The following PLG variants were observed in gnomAD, a reference collection of about 807,000 sequenced individuals.
PLG encodes plasminogen, also known as plasmin.
A neutral mutation model predicts 104.4 loss-of-function variants in PLG; 41 were observed. The observed-to-expected ratio is 0.39, with a 90% CI of 0.31 to 0.51. The LOEUF is 0.51. PLG is among the 20% of genes least tolerant of loss of function. The pLI is 0.76. For missense variants in PLG, 891 were observed against 1,003.6 expected, an observed-to-expected ratio of 0.89 and a Z score of 1.52; for synonymous variants, 337 against 357.1, an observed-to-expected ratio of 0.94 and a Z score of 0.63.
chr6:160,715,786 T>C (rs1195726239), intron 6 of PLG, among the ~76,000 whole-genome samples: 4 of 152,110 alleles, frequency 2.6e-5, no homozygotes, highest in Non-Finnish European at 5.9e-5. Flanking sequence ...AAAGGAGAAA[T>C]ACAGGAAAGA....
intron 4 of PLG, chr6:160,711,586 G>T (rs181216167): frequency 6.2e-7 from 1 of 1,609,950 alleles, no homozygotes; most frequent in East Asian, 2.2e-5. Context: ...TAAGCAGATA[G>T]AAAGAATCTT....
At chr6:160,718,125 A>T (rs954260587) in intron 7 of PLG, among the ~76,000 whole-genome samples, 169 bp from the exon 8 acceptor site, 1 of 152,116 alleles carries the variant, frequency 6.6e-6, no homozygotes, top group African/African-American at 2.4e-5. Flanking sequence ...GGTGACACGC[A>T]CCTGTAGTCT....
chr6:160,708,853 C>G (rs762803860), intron 3 of PLG, among the ~76,000 whole-genome samples: 10 of 151,902 alleles, frequency 6.6e-5, no homozygotes, highest in African/African-American at 2.4e-4. Flanking sequence ...CTATTTATCT[C>G]GAATTCTTGA....
intron 2 of PLG, among the ~76,000 whole-genome samples, chr6:160,707,137 G>C (rs1161606501): frequency 6.6e-6 from 1 of 152,112 alleles, no homozygotes; most frequent in Non-Finnish European, 1.5e-5. Context: ...AGGGGAAGAT[G>C]CGGCCCTGCA....
intron 17 of PLG, among the ~76,000 whole-genome samples, chr6:160,748,728 G>T (rs1778342315): frequency 6.6e-6 from 1 of 152,304 alleles, no homozygotes; most frequent in Non-Finnish European, 1.5e-5. Context: ...TGAAAATTCT[G>T]CAGGCTCACA....
chr6:160,738,441 G>A lies in PLG; in HGVS notation c.1803-97G>A. On this transcript the variant is annotated intron_variant, in intron 14 of 18. Transcript: ENST00000308192. This position sits in a 1 kb window ranked among gnomAD's most constrained non-coding sequence, Gnocchi z 6.8. The stretch of plus-strand genomic sequence containing the variant: ...TCCTTTCCTTTGGGAATATGAACAT[G>A]GTCAAAATTAAGTGAACGTGTCTTT... The A allele has an allele frequency of 9.6e-6, 8 of 835,170 alleles. No individual in the cohort carries two copies. Among genetic ancestry groups the A allele is most frequent in the Non-Finnish European group, 1.5e-5 (7 of 473,272 alleles). The allele number at this position is 835,170 out of a possible 1,614,324, so 51.7% of individuals were successfully genotyped here. A position where few individuals can be genotyped will look rare whatever the true frequency, so the allele number is the denominator to read the frequency against.
chr6:160,733,891 C>G (rs1414337932), intron 12 of PLG, 104 bp from the exon 13 acceptor site: 2 of 666,124 alleles, frequency 3.0e-6, no homozygotes, highest in African/African-American at 3.7e-5. Flanking sequence ...AAGAAACACT[C>G]CTTTATGTCT....
At chr6:160,713,365 G>A in intron 5 of PLG, 1 of 445,362 alleles carries the variant, frequency 2.2e-6, no homozygotes, top group Non-Finnish European at 4.2e-6. Context: ...CCGCCTCCGG[G>A]TTCAAGAGAT....
rs975087875 is a variant in PLG, at chr6:160,740,309, G to C, written c.2019-1002G>C. Among the ~76,000 whole-genome samples the C allele has an allele frequency of 9.2e-5, 14 of 152,150 alleles. No individual in the cohort carries two copies. Among genetic ancestry groups the C allele is most frequent in the Non-Finnish European group, 1.8e-4 (12 of 68,008 alleles). On this transcript the variant is annotated intron_variant, in intron 16 of 18. Transcript: ENST00000308192. This position sits in a 1 kb window ranked among gnomAD's most constrained non-coding sequence, Gnocchi z 5.2. ...CCTCCTGCTCCCCAGTGTCCTCCCC[G>C]CCATCCCAGCAAATGTGCAAATAGA...
At position 160,723,372 on chromosome 6, in the gene PLG, G is replaced by A. The variant is rs554596428; in HGVS notation, c.1256+805G>A. Among the ~76,000 whole-genome samples, 1 of 152,156 alleles carries A rather than the reference G, an allele frequency of 6.6e-6. No individual in the cohort carries two copies. The highest frequency in any genetic ancestry group is 1.5e-5 in the Non-Finnish European group (1 of 67,990). On this transcript the variant is annotated intron_variant, in intron 10 of 18. Coordinates refer to ENST00000308192, the MANE Select transcript of PLG (RefSeq NM_000301.5). This position sits in a 1 kb window ranked among gnomAD's most constrained non-coding sequence, Gnocchi z 4.7. ...TCCATAAATGAGTACACAATATATG[G>A]AAAAAACTATTTTTACATATTGGAG...
chr6:160,730,305 T>C (rs192808155), intron 10 of PLG, among the ~76,000 whole-genome samples: 30 of 152,248 alleles, frequency 2.0e-4, no homozygotes, highest in East Asian at 1.9e-3. Flanking sequence ...CCCTCAGACC[T>C]GGAGTGGCAG....
intron 2 of PLG, 194 bp downstream of exon 2, chr6:160,706,736 T>C (rs956211182): frequency 8.0e-6 from 5 of 621,336 alleles, no homozygotes; most frequent in African/African-American, 7.4e-5. Context: ...GTTAGAAAAA[T>C]ACCCTCAAAG....
Position 160,707,734 on chromosome 6 carries a change from G to T in PLG, c.220G>T (p.Val74Leu). ...FQYHSKEQQC[V>L]IMAENRKSSI... ...ATATCACAGTAAAGAGCAACAATGTGTGATAATGGCTGAAAACAGGAAGTC... is the reference window on the plus strand; with the variant it reads ...ATATCACAGTAAAGAGCAACAATGTTTGATAATGGCTGAAAACAGGAAGTC... The change falls in exon 3 of 19, where the codon GTG becomes TTG. Residue 74 changes from valine to leucine, a missense_variant. Transcript: ENST00000308192. 1 of 1,611,482 alleles carries T rather than the reference G, an allele frequency of 6.2e-7. No individual in the cohort carries two copies. Among genetic ancestry groups the T allele is most frequent in the Non-Finnish European group, 8.5e-7 (1 of 1,179,400 alleles).
intron 3 of PLG, among the ~76,000 whole-genome samples, chr6:160,710,441 A>G (rs1777619961): frequency 6.6e-6 from 1 of 152,048 alleles, no homozygotes; most frequent in South Asian, 2.1e-4. Context: ...CTGCATGTGG[A>G]CCCAGGTGGG....
chr6:160,748,401 GAA>G lies in PLG; in HGVS notation c.2126-3713_2126-3712del, dbSNP rs1275876222. Reference sequence around the variant, plus strand: ...GAAAGAAAGAAAGAAAGAAAGAAAGGAAGAAAGAAAGAAAGGGAAAGAAAGAG... The same window carrying G: ...GAAAGAAAGAAAGAAAGAAAGAAAGGGAAAGAAAGAAAGGGAAAGAAAGAG... On this transcript the variant is annotated intron_variant, in intron 17 of 18. Transcript: ENST00000308192. Among the ~76,000 whole-genome samples, 312 of 71,086 alleles carry G rather than the reference GAA, an allele frequency of 4.4e-3. 33 individuals are homozygous for G. Among genetic ancestry groups the G allele is most frequent in the African/African-American group, 0.012 (219 of 18,316 alleles). The allele number at this position is 71,086 out of a possible 152,430, so 46.6% of individuals were successfully genotyped here. A position where few individuals can be genotyped will look rare whatever the true frequency, so the allele number is the denominator to read the frequency against.
intron 1 of PLG, among the ~76,000 whole-genome samples, chr6:160,704,840 T>G (rs879892936): frequency 9.9e-5 from 15 of 152,186 alleles, no homozygotes; most frequent in Non-Finnish European, 1.9e-4. Flanking sequence ...CCCCTTGTGC[T>G]CTGTGTACCC....
Position 160,706,480 on chromosome 6 carries a change from G to A in PLG, c.123G>A (p.Leu41=). 6.2e-7 allele frequency: 1 copy of A among 1,613,892 alleles called. No homozygotes were observed. Among genetic ancestry groups the A allele is most frequent in the Non-Finnish European group, 8.5e-7 (1 of 1,179,798 alleles). The change falls in exon 2 of 19, where the codon CTG becomes CTA. Residue 41 remains leucine, a synonymous_variant. Coordinates refer to ENST00000308192, the MANE Select transcript of PLG (RefSeq NM_000301.5). ...ASLFSVTKKQ[L]GAGSIEECAA... is the part of the protein sequence containing the mutation. The stretch of plus-strand genomic sequence containing the variant: ...TGTTCAGTGTCACTAAGAAGCAGCT[G>A]GGAGCAGGAAGTATAGAAGAATGTG...
intron 3 of PLG, among the ~76,000 whole-genome samples, chr6:160,708,970 T>TA (rs1158448306): frequency 0.027 from 4,065 of 147,888 alleles, 85 homozygotes; most frequent in African/African-American, 0.054. Flanking sequence ...TACCAGATTT[T>TA]AAAAAAAAAA....
At chr6:160,728,770 A>G (rs1193058286) in intron 10 of PLG, among the ~76,000 whole-genome samples, 1 of 152,176 alleles carries the variant, frequency 6.6e-6, no homozygotes, top group African/African-American at 2.4e-5. Context: ...CTAGATCTAA[A>G]TGTAAGAGCT....
Sources: allele counts gnomAD v4.1 joint callset (sites outside exome capture counted in the v4.1 genomes callset), GRCh38; gene constraint gnomAD v4.1.1; non-coding constraint Gnocchi (gnomAD v3.1); transcripts MANE v1.5; gene names NCBI Gene and HGNC (gene_info 2026-07-23, HGNC 2026-07-21).